VPS13B: variants seen among roughly 807,000 people sequenced by gnomAD.
The protein encoded by VPS13B is vacuolar protein sorting 13 homolog B.
Under a neutral mutation model 426.4 loss-of-function variants are expected in VPS13B, and 285 were observed. That is an observed-to-expected ratio of 0.67 (90% CI 0.61 to 0.74). The LOEUF (loss-of-function observed/expected upper bound fraction) is 0.74. Ranked by LOEUF, VPS13B falls within the 30% of genes least tolerant of loss-of-function variation. The pLI, the probability that VPS13B is intolerant of heterozygous loss-of-function variation, is 0.00. For synonymous variants in VPS13B, 1,676 were observed against 1,676.4 expected, an observed-to-expected ratio of 1.00 and a Z score of 0.01; for missense variants, 4,537 against 4,782.6, an observed-to-expected ratio of 0.95 and a Z score of 1.51.
At chr8:99,525,977 T>C (rs1822619725) in intron 30 of VPS13B, among the ~76,000 whole-genome samples, 2 of 152,146 alleles carry the variant, frequency 1.3e-5, no homozygotes, top group South Asian at 4.1e-4. Context: ...ATATAGGTCG[T>C]TGTGTGGACT....
intron 17 of VPS13B, among the ~76,000 whole-genome samples, chr8:99,270,129 A>ATTTTTTT (rs1370378172): frequency 1.8e-4 from 3 of 16,824 alleles, no homozygotes; most frequent in Non-Finnish European, 3.1e-4. Context: ...AGATATAAGA[A>ATTTTTTT]TCTTTTTTTT....
In VPS13B at chr8:99,096,447, G is replaced by T; in HGVS notation, c.412+15G>T. The T allele has an allele frequency of 6.2e-7, 1 of 1,613,694 alleles. No homozygotes were observed. ...CTTACCACCAGGTAACTTCTAATGGGATCAATAAAACCAAATTTCAATTTT... is the reference window on the plus strand; with the variant it reads ...CTTACCACCAGGTAACTTCTAATGGTATCAATAAAACCAAATTTCAATTTT... On this transcript the variant is annotated intron_variant, in intron 4 of 61. Coordinates refer to ENST00000357162, the MANE Select transcript of VPS13B (RefSeq NM_152564.5).
chr8:99,621,393 C>T lies in VPS13B; in HGVS notation c.5221-20418C>T, dbSNP rs150729543. On this transcript the variant is annotated intron_variant, in intron 33 of 61. Transcript: ENST00000357162. ...AGATCTTGATATTAATCCCCATTGC[C>T]GTCTCTTTTCCCTCCCCTGCTATAT... Among the ~76,000 whole-genome samples, 808 of 152,276 alleles carry T rather than the reference C, an allele frequency of 5.3e-3. 5 individuals are homozygous for T. The highest frequency in any genetic ancestry group is 0.016 in the African/African-American group (664 of 41,558).
rs777843833 is a variant in VPS13B, at chr8:99,875,713, G to A, written c.*47G>A. 1 of 1,613,214 alleles carries A rather than the reference G, an allele frequency of 6.2e-7. No individual in the cohort carries two copies. Among genetic ancestry groups the A allele is most frequent in the South Asian group, 1.1e-5 (1 of 90,916 alleles). On this transcript the variant is annotated 3_prime_UTR_variant, in exon 62 of 62. Transcript: ENST00000357162. ...CCTGCTTGTGTGATTTAGTTTTTGG[G>A]TTTCTTTGAGACAGGGTCTCACTGC...
At chr8:99,752,367 A>T (rs911855625) in intron 39 of VPS13B, among the ~76,000 whole-genome samples, 3 of 152,182 alleles carry the variant, frequency 2.0e-5, no homozygotes, top group African/African-American at 7.2e-5. Context: ...TCAGCAGCAA[A>T]CTACAGCCTG....
At chr8:99,317,820 A>T (rs1436930209) in intron 19 of VPS13B, among the ~76,000 whole-genome samples, 1 of 152,214 alleles carries the variant, frequency 6.6e-6, no homozygotes, top group Non-Finnish European at 1.5e-5. Flanking sequence ...TAATGAGGAT[A>T]TGTAACACCA....
rs531343712 is a variant in VPS13B, at chr8:99,442,715, G to C, written c.3445+80G>C. The C allele has an allele frequency of 2.9e-6, 4 of 1,383,926 alleles. No individual in the cohort carries two copies. In the South Asian group the frequency reaches 5.0e-5, roughly 17 times the overall value. The allele number at this position is 1,383,926 out of a possible 1,614,324, so 85.7% of individuals were successfully genotyped here. On this transcript the variant is annotated intron_variant, in intron 23 of 61. Transcript: ENST00000357162. ...TTTGTTGGTGTTTTTAAATGTGTCAGTGTATAAGCAAATCAGTCTTCTCAT... is the reference window on the plus strand; with the variant it reads ...TTTGTTGGTGTTTTTAAATGTGTCACTGTATAAGCAAATCAGTCTTCTCAT...
chr8:99,560,995 TTGTGTATG>T (rs1045074819), intron 31 of VPS13B, among the ~76,000 whole-genome samples: 2 of 152,220 alleles, frequency 1.3e-5, no homozygotes, highest in African/African-American at 4.8e-5. Flanking sequence ...AACTTATGGT[TTGTGTATG>T]TGTGTATGTG....
chr8:99,740,408 T>C (rs1381849261), intron 39 of VPS13B, among the ~76,000 whole-genome samples: 2 of 152,144 alleles, frequency 1.3e-5, no homozygotes, highest in Non-Finnish European at 2.9e-5. Flanking sequence ...TGCAGGATAT[T>C]ATCCAGGAGA....
chr8:99,772,936 A>G (rs1032968273), intron 40 of VPS13B, among the ~76,000 whole-genome samples: 6 of 152,356 alleles, frequency 3.9e-5, no homozygotes, highest in African/African-American at 1.4e-4. Context: ...GTTGAGAGAC[A>G]GTGCCCCATT....
At chr8:99,018,962 A>T (rs1841752865) in intron 2 of VPS13B, among the ~76,000 whole-genome samples, 1 of 152,114 alleles carries the variant, frequency 6.6e-6, no homozygotes, top group Admixed American at 6.5e-5. Flanking sequence ...GTTGGATTCA[A>T]TTTGTTAAAT....
intron 33 of VPS13B, among the ~76,000 whole-genome samples, chr8:99,625,328 A>T (rs947381686): frequency 3.3e-5 from 5 of 152,130 alleles, no homozygotes; most frequent in African/African-American, 1.2e-4. Flanking sequence ...TAAAAGTGGG[A>T]TGGGTGGGAA....
chr8:99,393,342 T>C (rs1354593341), intron 21 of VPS13B, among the ~76,000 whole-genome samples: 1 of 152,142 alleles, frequency 6.6e-6, no homozygotes, highest in Non-Finnish European at 1.5e-5. Context: ...TTATACTTTA[T>C]GTTTTTATAA....
At chr8:99,464,129 G>T (rs1818981688) in intron 23 of VPS13B, among the ~76,000 whole-genome samples, 2 of 152,196 alleles carry the variant, frequency 1.3e-5, no homozygotes, top group African/African-American at 4.8e-5. Flanking sequence ...AATGTTCCTG[G>T]TTATACTGGT....
At chr8:99,209,098 C>G (rs1814910043) in intron 17 of VPS13B, among the ~76,000 whole-genome samples, 1 of 151,888 alleles carries the variant, frequency 6.6e-6, no homozygotes, top group Non-Finnish European at 1.5e-5. Flanking sequence ...GGCCAACATG[C>G]TAAAACCCCA....
chr8:99,318,643 C>T (rs1353078794), intron 19 of VPS13B, among the ~76,000 whole-genome samples: 1 of 152,140 alleles, frequency 6.6e-6, no homozygotes, highest in African/African-American at 2.4e-5. Context: ...CCTCAGCCTC[C>T]TGAATAGCTG....
chr8:99,264,492 G>C (rs973005987), intron 17 of VPS13B, among the ~76,000 whole-genome samples: 2 of 152,110 alleles, frequency 1.3e-5, no homozygotes, highest in Non-Finnish European at 2.9e-5. Context: ...TGATTGGACT[G>C]TATATAGATT....
intron 21 of VPS13B, among the ~76,000 whole-genome samples, chr8:99,393,561 A>T (rs755141090): frequency 6.6e-6 from 1 of 152,076 alleles, no homozygotes; most frequent in Non-Finnish European, 1.5e-5. Context: ...TATCCTATAG[A>T]TATTCTTCTT....
chr8:99,699,423 A>G, intron 35 of VPS13B, 102 bp from the exon 36 acceptor site: 3 of 1,290,108 alleles, frequency 2.3e-6, no homozygotes, highest in Non-Finnish European at 3.3e-6. Context: ...AGTCCATAAT[A>G]TGGATCTTGG....
Sources: allele counts gnomAD v4.1 joint callset (sites outside exome capture counted in the v4.1 genomes callset), GRCh38; gene constraint gnomAD v4.1.1; transcripts MANE v1.5; gene names NCBI Gene and HGNC (gene_info 2026-07-23, HGNC 2026-07-21).